CTNNA2: variants seen among roughly 807,000 people sequenced by gnomAD.
CTNNA2 encodes catenin alpha-2.
In CTNNA2, 42 loss-of-function variants were observed where a neutral mutation model predicts 101.0. That is an observed-to-expected ratio of 0.42 (90% confidence interval 0.32 to 0.54). CTNNA2 has a LOEUF of 0.54. Among genes scored for constraint, CTNNA2 ranks in the 20% least tolerant of loss-of-function variants. The pLI, the probability that CTNNA2 is intolerant of heterozygous loss-of-function variation, is 0.14. For synonymous variants in CTNNA2, 450 were observed against 456.4 expected, an observed-to-expected ratio of 0.99 and a Z score of 0.18; for missense variants, 871 against 1,223.1, an observed-to-expected ratio of 0.71 and a Z score of 4.29.
intron 4 of CTNNA2, among the ~76,000 whole-genome samples, chr2:79,404,389 G>A (rs1484472549): frequency 6.6e-6 from 1 of 151,940 alleles, no homozygotes. Flanking sequence ...GCCAACTCTA[G>A]CAGCCTTGTA....
chr2:80,125,372 G>A (rs184726861), intron 7 of CTNNA2, among the ~76,000 whole-genome samples: 4 of 152,190 alleles, frequency 2.6e-5, no homozygotes, highest in East Asian at 3.9e-4. Context: ...GGGGACCTAC[G>A]AAGATTACAG....
intron 18 of CTNNA2, among the ~76,000 whole-genome samples, chr2:80,640,467 A>G (rs1673345904): frequency 6.6e-6 from 1 of 152,206 alleles, no homozygotes; most frequent in Non-Finnish European, 1.5e-5. Flanking sequence ...TTCTGAGATA[A>G]CTTAAGTGGG....
At chr2:80,193,371 A>G (rs1444750074) in intron 7 of CTNNA2, among the ~76,000 whole-genome samples, 1 of 152,148 alleles carries the variant, frequency 6.6e-6, no homozygotes, top group African/African-American at 2.4e-5. Flanking sequence ...GGCAATCGGT[A>G]TATTTGGGTT....
rs544907528 is a variant in CTNNA2 at position 80,227,832 on chromosome 2, T to TC, written c.1057-165378dup. On this transcript the variant is annotated intron_variant, in intron 7 of 18. Coordinates refer to ENST00000402739, the MANE Select transcript of CTNNA2 (RefSeq NM_001282597.3). ...GCTTACTGATGTATAAAGACAAAAT[T>TC]CGAAAAAAACAAAAAACAAAAAAAA... Among the ~76,000 whole-genome samples the TC allele has an allele frequency of 4.0e-3, 609 of 151,266 alleles. 6 individuals are homozygous for TC. The highest frequency in any genetic ancestry group is 0.014 in the African/African-American group (574 of 41,142).
At chr2:80,282,917 A>T (rs1674497120) in intron 7 of CTNNA2, among the ~76,000 whole-genome samples, 1 of 152,122 alleles carries the variant, frequency 6.6e-6, no homozygotes, top group Admixed American at 6.6e-5. Context: ...TATTAAAAGG[A>T]GAAGATATTG....
chr2:80,580,671 A>G (rs1487251287), intron 13 of CTNNA2, among the ~76,000 whole-genome samples: 1 of 152,182 alleles, frequency 6.6e-6, no homozygotes, highest in Non-Finnish European at 1.5e-5. Context: ...TGTGGTAATC[A>G]GTAGCTTCAT....
chr2:80,584,951 C>T (rs1695847644), intron 14 of CTNNA2, among the ~76,000 whole-genome samples: 1 of 152,102 alleles, frequency 6.6e-6, no homozygotes, highest in African/African-American at 2.4e-5. Context: ...TTTTCCAATT[C>T]ACTTCACAGC....
intron 2 of CTNNA2, among the ~76,000 whole-genome samples, chr2:79,281,748 T>C (rs1269111124): frequency 6.6e-6 from 1 of 152,206 alleles, no homozygotes; most frequent in Non-Finnish European, 1.5e-5. Flanking sequence ...TGTTTATTGA[T>C]ACCAGGATTA....
At chr2:79,298,364 T>C (rs1434204) in intron 2 of CTNNA2, among the ~76,000 whole-genome samples, 2 of 152,048 alleles carry the variant, frequency 1.3e-5, no homozygotes, top group South Asian at 4.1e-4. Context: ...AATCAGACCC[T>C]TGACCCAAAC....
intron 4 of CTNNA2, among the ~76,000 whole-genome samples, chr2:79,448,096 A>G (rs1678852877): frequency 6.6e-6 from 1 of 152,080 alleles, no homozygotes; most frequent in African/African-American, 2.4e-5. Flanking sequence ...AGTATAAATT[A>G]TGTTCCTAGA....
chr2:79,623,177 T>C (rs934120361), intron 1 of CTNNA2, among the ~76,000 whole-genome samples: 1 of 152,184 alleles, frequency 6.6e-6, no homozygotes, highest in African/African-American at 2.4e-5. Flanking sequence ...TTAGAGATAA[T>C]AATGGTATGT....
chr2:80,428,450 T>C (rs1251552549), intron 9 of CTNNA2, among the ~76,000 whole-genome samples: 2 of 152,168 alleles, frequency 1.3e-5, no homozygotes, highest in Non-Finnish European at 2.9e-5. Flanking sequence ...AGTGGGAAGA[T>C]GCGGCTCAAT....
chr2:79,279,556 T>C (rs1171327070), intron 2 of CTNNA2, among the ~76,000 whole-genome samples: 1 of 152,098 alleles, frequency 6.6e-6, no homozygotes, highest in Admixed American at 6.6e-5. Context: ...CAGAAAAGTT[T>C]TGGTGGTTGA....
intron 4 of CTNNA2, among the ~76,000 whole-genome samples, chr2:79,464,459 T>G (rs1670912462): frequency 6.6e-6 from 1 of 152,342 alleles, no homozygotes; most frequent in Admixed American, 6.5e-5. Context: ...GGCATGTATC[T>G]TTATAGCAGC....
rs1220684838 is a variant in CTNNA2, at chr2:79,573,137, AAG to A, written c.-6+59932_-6+59933del. ...ATCTTTATCTATTTTTTAAAACAAG[AAG>A]AATTTTAAAACAAAATTACTGTTGG... On this transcript the variant is annotated intron_variant, in intron 1 of 18. Transcript: ENST00000402739. Among the ~76,000 whole-genome samples, 12 of 152,186 alleles carry A rather than the reference AAG, an allele frequency of 7.9e-5. 1 individual carries two copies. Among genetic ancestry groups the A allele is most frequent in the African/African-American group, 2.7e-4 (11 of 41,446 alleles).
chr2:80,062,485 G>A (rs547667035), intron 7 of CTNNA2, among the ~76,000 whole-genome samples: 12 of 152,242 alleles, frequency 7.9e-5, no homozygotes, highest in African/African-American at 2.6e-4. Flanking sequence ...GCATTAACAG[G>A]TTCTATTGAG....
At chr2:79,238,557 GT>G (rs1674585838) in intron 2 of CTNNA2, among the ~76,000 whole-genome samples, 1 of 152,206 alleles carries the variant, frequency 6.6e-6, no homozygotes, top group Non-Finnish European at 1.5e-5. Flanking sequence ...ATTAAAAAAA[GT>G]GAAGTACAAT....
chr2:79,356,628 C>A (rs1677514260), intron 3 of CTNNA2, among the ~76,000 whole-genome samples: 1 of 152,070 alleles, frequency 6.6e-6, no homozygotes, highest in African/African-American at 2.4e-5. Flanking sequence ...AAATCCAGAC[C>A]AAAAAATACA....
At chr2:79,381,486 C>T (rs1678038887) in intron 4 of CTNNA2, among the ~76,000 whole-genome samples, 2 of 152,186 alleles carry the variant, frequency 1.3e-5, no homozygotes, top group South Asian at 2.1e-4. Flanking sequence ...ATCAAGTCAA[C>T]TTTAAATACA....
Sources: allele counts gnomAD v4.1 joint callset (sites outside exome capture counted in the v4.1 genomes callset), GRCh38; gene constraint gnomAD v4.1.1; transcripts MANE v1.5; gene names NCBI Gene and HGNC (gene_info 2026-07-23, HGNC 2026-07-21).